GLI2: variants seen among roughly 807,000 people sequenced by gnomAD.
GLI2 encodes the protein transcription activator GLI2.
GLI2 carries 22 observed loss-of-function variants against 78.9 expected under a neutral mutation model. That is an observed-to-expected ratio of 0.28 (90% CI 0.20 to 0.40). The LOEUF (loss-of-function observed/expected upper bound fraction) is 0.40, where lower values mean the gene tolerates loss of function less well. Among genes scored for constraint, GLI2 ranks in the 10% least tolerant of loss-of-function variants. The pLI is 1.00. For synonymous variants in GLI2, 974 were observed against 963.7 expected, an observed-to-expected ratio of 1.01 and a Z score of -0.20; for missense variants, 2,097 against 2,213.2, an observed-to-expected ratio of 0.95 and a Z score of 1.05.
intron 2 of GLI2, among the ~76,000 whole-genome samples, chr2:120,857,261 A>G (rs1018286049): frequency 2.6e-5 from 4 of 152,014 alleles, no homozygotes; most frequent in African/African-American, 9.7e-5. Flanking sequence ...AAATATCCTG[A>G]CTAGAGAGCT....
chr2:120,941,516 C>A (rs1244524250), intron 3 of GLI2, among the ~76,000 whole-genome samples: 1 of 152,140 alleles, frequency 6.6e-6, no homozygotes, highest in East Asian at 1.9e-4. Context: ...TCCAGGGAGG[C>A]CCTGGGAGAG....
In GLI2 at chr2:120,978,448, G is replaced by A; in HGVS notation, c.1332G>A (p.Glu444=). ...QEQLVHHINN[E]HIHGEKKEFV... ...CCCTCCGGCAGCACATCAACAACGA[G>A]CACATCCACGGGGAGAAGAAGGAGT... is the stretch of plus-strand genomic sequence containing the variant. The change falls in exon 10 of 14, where the codon GAG becomes GAA. Residue 444 remains glutamate, a synonymous_variant. Transcript: ENST00000361492. The A allele has an allele frequency of 6.2e-7, 1 of 1,614,200 alleles. No homozygotes were observed. Among genetic ancestry groups the A allele is most frequent in the Non-Finnish European group, 8.5e-7 (1 of 1,180,030 alleles).
rs557329031 is a variant in GLI2 at position 120,856,529 on chromosome 2, G to A, written c.148+59061G>A. Reference sequence around the variant, plus strand: ...TTAAAGTGGACCTGCCCACCGCCCCGATCTCCACTGCCTGTAGACTTTGCA... The same window carrying A: ...TTAAAGTGGACCTGCCCACCGCCCCAATCTCCACTGCCTGTAGACTTTGCA... On this transcript the variant is annotated intron_variant, in intron 2 of 13. Coordinates refer to ENST00000361492, the MANE Select transcript of GLI2 (RefSeq NM_001374353.1). 7.9e-5 allele frequency among the ~76,000 whole-genome samples: 12 copies of A among 152,214 alleles called. No homozygotes were observed. The South Asian group carries it at 1.7e-3, about 21-fold the overall frequency.
At chr2:120,920,645 C>T (rs1413636475) in intron 2 of GLI2, among the ~76,000 whole-genome samples, 1 of 152,112 alleles carries the variant, frequency 6.6e-6, no homozygotes, top group Non-Finnish European at 1.5e-5. Context: ...AAGAAAAAGC[C>T]GTCACTCCGC....
intron 5 of GLI2, among the ~76,000 whole-genome samples, chr2:120,965,552 G>A (rs1214734935): frequency 2.1e-5 from 3 of 140,600 alleles, no homozygotes; most frequent in Non-Finnish European, 3.1e-5. Flanking sequence ...CACTCCAGCC[G>A]GGATGCAGAT....
chr2:120,849,551 T>C (rs1419274141), intron 2 of GLI2, among the ~76,000 whole-genome samples: 2 of 152,320 alleles, frequency 1.3e-5, no homozygotes, highest in East Asian at 3.9e-4. Flanking sequence ...CCTGTGAGTA[T>C]TGGATCCTAG....
chr2:120,984,184 C>A (rs965160356), intron 11 of GLI2, among the ~76,000 whole-genome samples: 1 of 152,120 alleles, frequency 6.6e-6, no homozygotes, highest in Non-Finnish European at 1.5e-5. Flanking sequence ...CATTGAGAGG[C>A]AGCATTGTGA....
chr2:120,786,723 C>G lies in GLI2; in HGVS notation c.-30-10568C>G, dbSNP rs1684007350. Among the ~76,000 whole-genome samples the G allele has an allele frequency of 2.0e-5, 3 of 152,142 alleles. No homozygotes were observed. The East Asian group carries it at 5.8e-4, about 29-fold the overall frequency. Reference sequence around the variant, plus strand: ...CAGTGCTGGCAAACACTGCCCATGGCAGACAGTACAAGTTGACTAGTGTGC... The same window carrying G: ...CAGTGCTGGCAAACACTGCCCATGGGAGACAGTACAAGTTGACTAGTGTGC... On this transcript the variant is annotated intron_variant, in intron 1 of 13. Coordinates refer to ENST00000361492, the MANE Select transcript of GLI2 (RefSeq NM_001374353.1).
intron 2 of GLI2, among the ~76,000 whole-genome samples, chr2:120,810,274 G>T (rs1307235426): frequency 1.3e-5 from 2 of 152,204 alleles, no homozygotes; most frequent in East Asian, 3.9e-4. Flanking sequence ...TCTGGGAGTG[G>T]TGTTCCCAGT....
chr2:120,886,032 C>T (rs762252990), intron 2 of GLI2, among the ~76,000 whole-genome samples: 7 of 152,088 alleles, frequency 4.6e-5, no homozygotes, highest in Non-Finnish European at 7.4e-5. Context: ...ATGCTGGCCT[C>T]AGGAGGTGAG....
chr2:120,926,960 G>A (rs112225149), intron 2 of GLI2, among the ~76,000 whole-genome samples: 6,372 of 152,316 alleles, frequency 0.042, 181 homozygotes, highest in Non-Finnish European at 0.061. Flanking sequence ...TGCAGCATCC[G>A]GATGCCGTAA....
Position 120,970,460 on chromosome 2 carries a change from G to A in GLI2, c.913G>A (p.Gly305Ser), listed in dbSNP as rs773277858. 3 of 1,613,942 alleles carry A rather than the reference G, an allele frequency of 1.9e-6. No homozygotes were observed. The highest frequency in any genetic ancestry group is 2.5e-6 in the Non-Finnish European group (3 of 1,179,916). Residue 305 changes from glycine (G) to serine (S), a missense_variant, in exon 7 of 14, where the codon GGT (glycine) becomes AGT (serine). Physicochemically the swap from Gly to Ser is moderately conservative, Grantham distance 56. This residue lies in a region of GLI2 where 578 missense variants were observed against 612.0 expected (regional missense o/e 0.94). Transcript: ENST00000361492. ...AYQQILSQQR[G>S]LGSAFGHTPP... Reference sequence around the variant, plus strand: ...CCAGCAGATTCTGAGCCAGCAGAGGGGTCTGGGGTCAGCCTTTGGACACAC... The same window carrying A: ...CCAGCAGATTCTGAGCCAGCAGAGGAGTCTGGGGTCAGCCTTTGGACACAC...
At chr2:120,973,171 G>A (rs531504721) in intron 8 of GLI2, among the ~76,000 whole-genome samples, 1 of 152,362 alleles carries the variant, frequency 6.6e-6, no homozygotes, top group African/African-American at 2.4e-5. Flanking sequence ...CAAGCAGAGA[G>A]GTTGATGACA....
chr2:120,954,273 C>G (rs17005505), intron 4 of GLI2, among the ~76,000 whole-genome samples: 8 of 151,958 alleles, frequency 5.3e-5, no homozygotes, highest in African/African-American at 1.9e-4. Context: ...GGGATCTCCA[C>G]GGAAGGTTTT....
chr2:120,766,490 GAA>G (rs1339455021), intron 1 of GLI2, among the ~76,000 whole-genome samples: 2 of 152,218 alleles, frequency 1.3e-5, no homozygotes, highest in African/African-American at 4.8e-5. Flanking sequence ...GGGCAGAGAA[GAA>G]AAGTCAGTGG....
chr2:120,758,478 G>A (rs770957068), intron 1 of GLI2, among the ~76,000 whole-genome samples: 12 of 152,214 alleles, frequency 7.9e-5, no homozygotes, highest in Non-Finnish European at 1.6e-4. Context: ...CTGCAGGACC[G>A]AGGACCCTCT....
At chr2:120,962,417 T>A (rs1227204302) in intron 5 of GLI2, among the ~76,000 whole-genome samples, 1 of 152,002 alleles carries the variant, frequency 6.6e-6, no homozygotes, top group Non-Finnish European at 1.5e-5. Context: ...CTGCCCAGAG[T>A]CCCCATGATG....
chr2:120,772,173 A>C (rs1213858986), intron 1 of GLI2, among the ~76,000 whole-genome samples: 6 of 152,098 alleles, frequency 3.9e-5, no homozygotes, highest in African/African-American at 1.4e-4. Flanking sequence ...TGGGAGAAGC[A>C]CTGTGATTGA....
chr2:120,901,890 G>A (rs925913163), intron 2 of GLI2, among the ~76,000 whole-genome samples: 1 of 152,102 alleles, frequency 6.6e-6, no homozygotes, highest in South Asian at 2.1e-4. Context: ...TCAGCATTGG[G>A]TATTCTCATT....
Sources: allele counts gnomAD v4.1 joint callset (sites outside exome capture counted in the v4.1 genomes callset), GRCh38; gene constraint gnomAD v4.1.1; regional missense constraint gnomAD v4.1.1; transcripts MANE v1.5; gene names NCBI Gene and HGNC (gene_info 2026-07-23, HGNC 2026-07-21).